NLGN1: variants seen among roughly 807,000 people sequenced by gnomAD.
NLGN1 encodes the protein neuroligin-1.
NLGN1 carries 12 observed loss-of-function variants against 65.5 expected under a neutral mutation model. That is an observed-to-expected ratio of 0.18 (90% CI 0.12 to 0.30). The LOEUF (loss-of-function observed/expected upper bound fraction) is 0.30. NLGN1 is among the 10% of genes least tolerant of loss of function. The pLI is 1.00. For synonymous variants in NLGN1, 350 were observed against 359.5 expected (o/e 0.97, Z 0.30); for missense variants, 750 against 1,007.1 (o/e 0.74, Z 3.46).
intron 4 of NLGN1, among the ~76,000 whole-genome samples, chr3:174,168,075 A>T (rs1727863290): frequency 6.6e-6 from 1 of 151,800 alleles, no homozygotes; most frequent in Non-Finnish European, 1.5e-5. Flanking sequence ...AGAAACTGAG[A>T]TTTATTTCTT....
intron 2 of NLGN1, among the ~76,000 whole-genome samples, chr3:173,492,742 T>C (rs1211339885): frequency 6.6e-6 from 1 of 151,782 alleles, no homozygotes; most frequent in Non-Finnish European, 1.5e-5. Flanking sequence ...AAAAGTAGAA[T>C]AGGTTGGAAG....
intron 4 of NLGN1, among the ~76,000 whole-genome samples, chr3:174,273,848 CT>C (rs1203662370): frequency 6.6e-6 from 1 of 151,606 alleles, no homozygotes; most frequent in Non-Finnish European, 1.5e-5. Flanking sequence ...GAGAATTTGT[CT>C]TCATCTATTC....
chr3:174,029,121 TAAG>T (rs1003259157), intron 4 of NLGN1, among the ~76,000 whole-genome samples: 10 of 152,190 alleles, frequency 6.6e-5, no homozygotes, highest in African/African-American at 2.4e-4. Context: ...ACTGGAGCTG[TAAG>T]AAGAAGGCCA....
chr3:174,096,432 A>T (rs778597570), intron 4 of NLGN1, among the ~76,000 whole-genome samples: 8 of 151,972 alleles, frequency 5.3e-5, no homozygotes, highest in Non-Finnish European at 1.2e-4. Flanking sequence ...CATTTAACTT[A>T]AACAATATAA....
At chr3:173,611,351 G>A (rs181199236) in intron 3 of NLGN1, among the ~76,000 whole-genome samples, 2 of 152,068 alleles carry the variant, frequency 1.3e-5, no homozygotes, top group Admixed American at 6.6e-5. Context: ...TTTGTTGTTG[G>A]CCAACTGTTT....
chr3:174,188,502 TC>T (rs557629155), intron 4 of NLGN1, among the ~76,000 whole-genome samples: 425 of 152,038 alleles, frequency 2.8e-3, no homozygotes, highest in Non-Finnish European at 5.1e-3. Context: ...TACTGCAAGT[TC>T]CCTGCTACAG....
chr3:173,655,914 A>C (rs1034992087), intron 3 of NLGN1, among the ~76,000 whole-genome samples: 1 of 152,158 alleles, frequency 6.6e-6, no homozygotes, highest in Non-Finnish European at 1.5e-5. Context: ...GAAAGAATGA[A>C]GCAACAAAAG....
At chr3:174,096,048 C>T (rs1745466256) in intron 4 of NLGN1, among the ~76,000 whole-genome samples, 1 of 151,556 alleles carries the variant, frequency 6.6e-6, no homozygotes, top group Admixed American at 6.6e-5. Flanking sequence ...ATTTTATAAA[C>T]ACCATCATGA....
chr3:174,030,810 A>G (rs972610), intron 4 of NLGN1, among the ~76,000 whole-genome samples: 27,102 of 152,126 alleles, frequency 0.18, 2,610 homozygotes, highest in East Asian at 0.34. Flanking sequence ...AAACAACCCA[A>G]TTTACATTGC....
In NLGN1 at chr3:174,080,263, C is replaced by T. The variant is rs182474038; in HGVS notation, c.647-195052C>T. On this transcript the variant is annotated intron_variant, in intron 4 of 6. Coordinates refer to ENST00000457714, the Ensembl canonical transcript of NLGN1. ...TTCTGTTACCGGCAGCAAATCCGTACGGGTCTGCAACAACCCCAGTTCTTG... is the reference window on the plus strand; with the variant it reads ...TTCTGTTACCGGCAGCAAATCCGTATGGGTCTGCAACAACCCCAGTTCTTG... 4.1e-3 allele frequency among the ~76,000 whole-genome samples: 621 copies of T among 152,198 alleles called. 3 individuals carry two copies. Among genetic ancestry groups the T allele is most frequent in the Non-Finnish European group, 6.5e-3 (442 of 68,010 alleles).
At chr3:174,015,374 C>G (rs1726344926) in intron 4 of NLGN1, among the ~76,000 whole-genome samples, 1 of 152,110 alleles carries the variant, frequency 6.6e-6, no homozygotes, top group Non-Finnish European at 1.5e-5. Context: ...GCCTCTCTTT[C>G]CGGCTTACAG....
chr3:174,217,014 A>G (rs532262853), intron 4 of NLGN1, among the ~76,000 whole-genome samples: 3 of 152,258 alleles, frequency 2.0e-5, no homozygotes, highest in East Asian at 3.9e-4. Flanking sequence ...GCTTAAAACA[A>G]TGCAATTTCA....
chr3:174,047,928 T>C (rs1370426246), intron 4 of NLGN1, among the ~76,000 whole-genome samples: 1 of 152,156 alleles, frequency 6.6e-6, no homozygotes, highest in South Asian at 2.1e-4. Flanking sequence ...GAGTTCAAAA[T>C]GGATGTTCTG....
At chr3:173,852,304 C>A (rs1299354995) in intron 4 of NLGN1, among the ~76,000 whole-genome samples, 2 of 126,656 alleles carry the variant, frequency 1.6e-5, no homozygotes, top group Non-Finnish European at 3.1e-5. Context: ...TGCAGTGAGC[C>A]GAGATCGCGC....
intron 1 of NLGN1, among the ~76,000 whole-genome samples, chr3:173,426,757 T>C (rs1392242586): frequency 2.6e-5 from 4 of 152,124 alleles, no homozygotes; most frequent in Non-Finnish European, 4.4e-5. Flanking sequence ...TCTGCATCTG[T>C]GTTCATCAGG....
intron 4 of NLGN1, among the ~76,000 whole-genome samples, chr3:173,866,427 C>T (rs1014485198): frequency 6.6e-6 from 1 of 152,078 alleles, no homozygotes; most frequent in African/African-American, 2.4e-5. Flanking sequence ...CTGTTAGAAA[C>T]TAATGTATGT....
intron 4 of NLGN1, among the ~76,000 whole-genome samples, chr3:173,931,764 G>A (rs1317609188): frequency 6.6e-6 from 1 of 152,122 alleles, no homozygotes; most frequent in Non-Finnish European, 1.5e-5. Context: ...ATATTTAACT[G>A]CATCATTCTG....
intron 4 of NLGN1, among the ~76,000 whole-genome samples, chr3:174,104,393 C>A (rs1325201006): frequency 6.6e-6 from 1 of 152,046 alleles, no homozygotes; most frequent in African/African-American, 2.4e-5. Flanking sequence ...TGCAGTAATT[C>A]ATGGTTTTAC....
chr3:173,509,107 AC>A (rs1170090879), intron 2 of NLGN1, among the ~76,000 whole-genome samples: 4 of 152,132 alleles, frequency 2.6e-5, no homozygotes, highest in Non-Finnish European at 1.5e-5. Flanking sequence ...ATATGTTGAA[AC>A]CTGAAGTTCA....
Sources: gnomAD v4.1 joint callset for allele counts (sites outside exome capture counted in the v4.1 genomes callset) on GRCh38, gnomAD v4.1.1 for gene constraint, MANE v1.5 for transcripts, NCBI Gene and HGNC (gene_info 2026-07-23, HGNC 2026-07-21) for gene names.